Variants in ANK1 observed in about 807,000 individuals in gnomAD.
The protein encoded by ANK1 is ankyrin-1.
In ANK1, 51 loss-of-function variants were observed where a neutral mutation model predicts 210.4. That is an observed-to-expected ratio of 0.24 (90% CI 0.19 to 0.31). ANK1 has a LOEUF of 0.31. Among genes scored for constraint, ANK1 ranks in the 10% least tolerant of loss-of-function variants. The pLI is 1.00. For missense variants in ANK1, 2,051 were observed against 2,504.4 expected (o/e 0.82, Z 3.86); for synonymous variants, 967 against 1,025.9 (o/e 0.94, Z 1.10).
At chr8:41,785,141 T>G (rs1352708902) in intron 1 of ANK1, among the ~76,000 whole-genome samples, 1 of 152,194 alleles carries the variant, frequency 6.6e-6, no homozygotes, top group East Asian at 1.9e-4. Context: ...GAGGATCACT[T>G]GAGTCCAGGA....
rs528878152 is a variant in ANK1, at chr8:41,869,968, A to C, written c.126+26387T>G. Among the ~76,000 whole-genome samples the C allele has an allele frequency of 7.2e-5, 11 of 152,346 alleles. 1 individual carries two copies. The East Asian group carries it at 1.7e-3, about 24-fold the overall frequency. On this transcript the variant is annotated intron_variant, in intron 1 of 42. Transcript: ENST00000265709. ...GAAGATCCCAAGAAGAAAGGATCTAAGATACAGATTCTTGAGTCCTACCCC... is the reference window on the plus strand; with the variant it reads ...GAAGATCCCAAGAAGAAAGGATCTACGATACAGATTCTTGAGTCCTACCCC...
intron 1 of ANK1, among the ~76,000 whole-genome samples, chr8:41,831,120 C>T (rs943309297): frequency 2.6e-5 from 4 of 152,198 alleles, no homozygotes; most frequent in Non-Finnish European, 4.4e-5. Context: ...GAGGCTCCGC[C>T]TGGACCTTGA....
At chr8:41,808,481 A>G (rs894298715) in intron 1 of ANK1, among the ~76,000 whole-genome samples, 2 of 152,126 alleles carry the variant, frequency 1.3e-5, no homozygotes, top group Non-Finnish European at 2.9e-5. Context: ...CCTGACCAAC[A>G]TAGTGAAACT....
intron 22 of ANK1, 37 bp downstream of exon 22, chr8:41,701,512 CT>C (rs761055619): frequency 8.1e-6 from 13 of 1,607,454 alleles, no homozygotes; most frequent in Non-Finnish European, 1.0e-5. Flanking sequence ...CGGAGCCCCT[CT>C]GTCCCCACCA....
At chr8:41,709,698 G>T (rs951060229) in intron 16 of ANK1, among the ~76,000 whole-genome samples, 3 of 152,224 alleles carry the variant, frequency 2.0e-5, no homozygotes, top group African/African-American at 7.2e-5. Flanking sequence ...ACTTTGGGAG[G>T]CTGAGGTGTG....
chr8:41,830,303 A>C (rs1472409760), intron 1 of ANK1, among the ~76,000 whole-genome samples: 1 of 149,608 alleles, frequency 6.7e-6, no homozygotes, highest in African/African-American at 2.5e-5. Context: ...AATTCTCTGC[A>C]AAATACATAG....
chr8:41,851,231 T>C (rs968706051), intron 1 of ANK1, among the ~76,000 whole-genome samples: 1 of 152,216 alleles, frequency 6.6e-6, no homozygotes, highest in African/African-American at 2.4e-5. Context: ...GCGGCTTCTC[T>C]CTTCGTCTGT....
chr8:41,673,004 A>C, intron 37 of ANK1, 92 bp from the exon 38 acceptor site: 9 of 1,318,148 alleles, frequency 6.8e-6, no homozygotes, highest in Non-Finnish European at 9.5e-6. Context: ...GAACACACAC[A>C]TGCGGGTGCG....
chr8:41,840,022 TG>T (rs1808563232), intron 1 of ANK1: 1 of 152,000 alleles, frequency 6.6e-6, no homozygotes, highest in South Asian at 2.1e-4. Flanking sequence ...GATTTAAACT[TG>T]TTTTTTTTTT....
intron 30 of ANK1, 79 bp downstream of exon 30, chr8:41,693,026 C>G: frequency 6.6e-7 from 1 of 1,525,232 alleles, no homozygotes; most frequent in Non-Finnish European, 9.1e-7. Flanking sequence ...AGTGAGGGAG[C>G]CTCAGCCTCA....
chr8:41,697,241 C>T (rs1821316807), intron 24 of ANK1, among the ~76,000 whole-genome samples: 1 of 152,222 alleles, frequency 6.6e-6, no homozygotes, highest in Admixed American at 6.5e-5. Context: ...GAGGTGAACA[C>T]AACAGACTCC....
At position 41,710,123 on chromosome 8, in the gene ANK1, G is replaced by A. The variant is rs553855233; in HGVS notation, c.1801-1148C>T. 1.4e-4 allele frequency among the ~76,000 whole-genome samples: 20 copies of A among 139,592 alleles called. No individual in the cohort carries two copies. The East Asian group carries it at 3.2e-3, about 22-fold the overall frequency. 91.6% of individuals were successfully genotyped at this position (139,592 alleles called of 152,430 possible). A position where few individuals can be genotyped will look rare whatever the true frequency, so the allele number is the denominator to read the frequency against. Reference sequence around the variant, plus strand: ...TGATAGCAAGACTGTCTCAGTGAAGGAAGCAGCGCATGGGTTTACATTCTG... The same window carrying A: ...TGATAGCAAGACTGTCTCAGTGAAGAAAGCAGCGCATGGGTTTACATTCTG... On this transcript the variant is annotated intron_variant, in intron 16 of 42. Coordinates refer to ENST00000289734, the MANE Select transcript of ANK1 (RefSeq NM_000037.4).
intron 2 of ANK1, among the ~76,000 whole-genome samples, chr8:41,750,321 G>A (rs564026807): frequency 1.8e-4 from 28 of 152,296 alleles, no homozygotes; most frequent in Admixed American, 4.6e-4. Flanking sequence ...ACTGGAAATC[G>A]TGTATGCTTT....
chr8:41,786,249 G>A (rs919908839), intron 1 of ANK1, among the ~76,000 whole-genome samples: 1 of 152,206 alleles, frequency 6.6e-6, no homozygotes, highest in Non-Finnish European at 1.5e-5. Flanking sequence ...CATCTCAGAG[G>A]GGGGCTCCCT....
At chr8:41,802,973 T>G (rs1490273133) in intron 1 of ANK1, among the ~76,000 whole-genome samples, 664 of 25,136 alleles carry the variant, frequency 0.026, 23 homozygotes, top group Middle Eastern at 0.036. Context: ...GAGAGAGAGA[T>G]GAAAAAAGAA....
At chr8:41,760,935 G>GC (rs1563692567) in intron 1 of ANK1, among the ~76,000 whole-genome samples, 1 of 151,882 alleles carries the variant, frequency 6.6e-6, no homozygotes, top group South Asian at 2.1e-4. Context: ...GCTGAATGGT[G>GC]CCCCCCAAAA....
At chr8:41,855,443 T>C (rs1812019153) in intron 1 of ANK1, among the ~76,000 whole-genome samples, 1 of 152,210 alleles carries the variant, frequency 6.6e-6, no homozygotes, top group African/African-American at 2.4e-5. Flanking sequence ...TCGTCCTCCC[T>C]CCATCCACAT....
chr8:41,743,910 C>T (rs1275275075), intron 2 of ANK1, among the ~76,000 whole-genome samples: 1 of 152,124 alleles, frequency 6.6e-6, no homozygotes, highest in Admixed American at 6.5e-5. Flanking sequence ...GCAATGGGCT[C>T]ATCGGGGGCT....
At chr8:41,730,093 G>T (rs1302910167) in intron 3 of ANK1, among the ~76,000 whole-genome samples, 2 of 152,242 alleles carry the variant, frequency 1.3e-5, no homozygotes, top group Non-Finnish European at 2.9e-5. Context: ...GAACTGACAA[G>T]CAGGGACTTT....
Sources: allele counts gnomAD v4.1 joint callset (sites outside exome capture counted in the v4.1 genomes callset), GRCh38; gene constraint gnomAD v4.1.1; transcripts MANE v1.5; gene names NCBI Gene and HGNC (gene_info 2026-07-23, HGNC 2026-07-21).